The following SLC35F3 variants were observed in gnomAD, a reference collection of about 807,000 sequenced individuals.
SLC35F3 encodes putative thiamine transporter SLC35F3.
SLC35F3 carries 25 observed loss-of-function variants against 49.9 expected under a neutral mutation model. The ratio of observed to expected loss-of-function variants is 0.50; its 90% CI spans 0.37 to 0.70. The LOEUF is 0.70. Ranked by LOEUF, SLC35F3 falls within the 30% of genes least tolerant of loss-of-function variation. The pLI, the probability that SLC35F3 is intolerant of heterozygous loss-of-function variation, is 0.00. For synonymous variants in SLC35F3, 275 were observed against 265.4 expected (o/e 1.04, Z -0.35); for missense variants, 525 against 639.8 (o/e 0.82, Z 1.94).
Position 234,194,620 on chromosome 1 carries a change from A to C in SLC35F3, c.284-36797A>C, listed in dbSNP as rs200921567. On this transcript the variant is annotated intron_variant, in intron 2 of 7. Transcript: ENST00000366618. ...AAATTTTTTAAAAAATTAATGCAAT[A>C]AAAAAAAAGAAAAGAAAGAGCAGCT... Among the ~76,000 whole-genome samples, 9 of 100,222 alleles carry C rather than the reference A, an allele frequency of 9.0e-5. 3 individuals carry two copies. Among genetic ancestry groups the C allele is most frequent in the Admixed American group, 1.5e-4 (1 of 6,562 alleles). 65.7% of individuals were successfully genotyped at this position (100,222 alleles called of 152,430 possible).
At chr1:234,089,950 G>A (rs188155671) in intron 2 of SLC35F3, among the ~76,000 whole-genome samples, 3 of 152,314 alleles carry the variant, frequency 2.0e-5, no homozygotes, top group African/African-American at 7.2e-5. Context: ...TTGAAACCAG[G>A]AGAATTCCTT....
chr1:233,989,179 G>C (rs191227124), intron 2 of SLC35F3, among the ~76,000 whole-genome samples: 3 of 152,160 alleles, frequency 2.0e-5, no homozygotes, highest in African/African-American at 7.2e-5. Flanking sequence ...GGGGCTGCAC[G>C]CATTCTCTTT....
chr1:234,018,566 G>C (rs577886031), intron 2 of SLC35F3, among the ~76,000 whole-genome samples: 2 of 152,058 alleles, frequency 1.3e-5, no homozygotes, highest in Admixed American at 1.3e-4. Context: ...ACAGGACATC[G>C]CCTCTTCCTT....
chr1:234,181,338 G>GAAAAAAAAAAAAAAAAAAAAAAAAAAAA (rs34757532), intron 2 of SLC35F3, among the ~76,000 whole-genome samples: 2 of 97,308 alleles, frequency 2.1e-5, no homozygotes, highest in African/African-American at 3.9e-5. Context: ...TCTGTCTCAA[G>GAAAAAAAAAAAAAAAAAAAAAAAAAAAA]AAAAAAAAAA....
intron 3 of SLC35F3, among the ~76,000 whole-genome samples, chr1:234,236,157 A>G (rs1309015208): frequency 6.6e-6 from 1 of 152,114 alleles, no homozygotes; most frequent in Non-Finnish European, 1.5e-5. Flanking sequence ...GAAGTTAGCT[A>G]GGGCCTGGCA....
rs1386614948 is a variant in SLC35F3 at position 234,181,003 on chromosome 1, A to G, written c.284-50414A>G. ...AGATTGATTTGAAGAAAATCCAGAC[A>G]TCATATAATTTCTTTTGAGGCATTT... On this transcript the variant is annotated intron_variant, in intron 2 of 7. Transcript: ENST00000366618. Among the ~76,000 whole-genome samples, 4 of 152,126 alleles carry G rather than the reference A, an allele frequency of 2.6e-5. No individual in the cohort carries two copies. The South Asian group carries it at 6.2e-4, about 24-fold the overall frequency.
intron 2 of SLC35F3, among the ~76,000 whole-genome samples, chr1:233,933,322 ATT>A (rs937879273): frequency 6.7e-6 from 1 of 148,800 alleles, no homozygotes; most frequent in African/African-American, 2.5e-5. Flanking sequence ...GTATACCGTT[ATT>A]TTTTTTTTAC....
chr1:234,134,791 G>A lies in SLC35F3; in HGVS notation c.284-96626G>A, dbSNP rs911307555. Reference sequence around the variant, plus strand: ...GGCTGGAGTGCAGTGGCGCAATCTTGGTTCACTGCAACCTCTGCCTCACAG... The same window carrying A: ...GGCTGGAGTGCAGTGGCGCAATCTTAGTTCACTGCAACCTCTGCCTCACAG... On this transcript the variant is annotated intron_variant, in intron 2 of 7. Transcript: ENST00000366618. Among the ~76,000 whole-genome samples, 51 of 152,070 alleles carry A rather than the reference G, an allele frequency of 3.4e-4. 1 individual carries two copies. Among genetic ancestry groups the A allele is most frequent in the Non-Finnish European group, 4.0e-4 (27 of 68,002 alleles).
intron 5 of SLC35F3, among the ~76,000 whole-genome samples, chr1:234,317,112 G>A (rs1657507607): frequency 6.6e-6 from 1 of 152,220 alleles, no homozygotes; most frequent in Admixed American, 6.5e-5. Context: ...ATCTGGTGCA[G>A]CTTTGTCATG....
At chr1:234,108,314 T>C (rs1369841478) in intron 2 of SLC35F3, among the ~76,000 whole-genome samples, 9 of 86,758 alleles carry the variant, frequency 1.0e-4, no homozygotes, top group African/African-American at 3.1e-4. Flanking sequence ...TTTATATATA[T>C]AAAAGATATA....
chr1:234,099,190 C>A (rs1038908491), intron 2 of SLC35F3, among the ~76,000 whole-genome samples: 1 of 152,074 alleles, frequency 6.6e-6, no homozygotes, highest in Non-Finnish European at 1.5e-5. Flanking sequence ...CTGTTATTGG[C>A]GTGCTGAAAC....
At chr1:233,915,951 A>G (rs561594278) in intron 2 of SLC35F3, among the ~76,000 whole-genome samples, 4 of 152,358 alleles carry the variant, frequency 2.6e-5, no homozygotes, top group African/African-American at 9.6e-5. Context: ...GTGGGGACAC[A>G]GCCAAACCAG....
At chr1:234,160,015 T>C (rs1472589443) in intron 2 of SLC35F3, among the ~76,000 whole-genome samples, 1 of 152,214 alleles carries the variant, frequency 6.6e-6, no homozygotes, top group Non-Finnish European at 1.5e-5. Context: ...ACATTTTTCA[T>C]GCACTCAAAC....
intron 2 of SLC35F3, among the ~76,000 whole-genome samples, chr1:233,950,385 C>CA (rs58271294): frequency 0.08 from 2,495 of 31,208 alleles, 478 homozygotes; most frequent in African/African-American, 0.14. Flanking sequence ...GACTCTGTCT[C>CA]AAAAAAAAAA....
chr1:233,963,721 A>G (rs1662847465), intron 2 of SLC35F3, among the ~76,000 whole-genome samples: 1 of 152,210 alleles, frequency 6.6e-6, no homozygotes, highest in Admixed American at 6.5e-5. Flanking sequence ...TCAGCCTCTC[A>G]GATGTGGGGG....
At chr1:234,049,361 C>T (rs1220375675) in intron 2 of SLC35F3, among the ~76,000 whole-genome samples, 4 of 152,026 alleles carry the variant, frequency 2.6e-5, no homozygotes, top group Non-Finnish European at 5.9e-5. Flanking sequence ...TCTCCTCTCT[C>T]TTCTCTCTCT....
At chr1:234,206,240 G>A (rs1225611793) in intron 2 of SLC35F3, among the ~76,000 whole-genome samples, 1 of 151,986 alleles carries the variant, frequency 6.6e-6, no homozygotes, top group African/African-American at 2.4e-5. Context: ...AGCAGAGCTG[G>A]GTCAGGCTGG....
At chr1:234,099,172 G>A (rs1329516368) in intron 2 of SLC35F3, among the ~76,000 whole-genome samples, 1 of 152,112 alleles carries the variant, frequency 6.6e-6, no homozygotes, top group Non-Finnish European at 1.5e-5. Context: ...AATGATGGAG[G>A]TCCAAGTCTG....
chr1:234,250,383 G>A (rs1401111676), intron 3 of SLC35F3, among the ~76,000 whole-genome samples: 5 of 152,194 alleles, frequency 3.3e-5, no homozygotes, highest in African/African-American at 1.2e-4. Context: ...GGCCGGGCGC[G>A]GTGGCTCACG....
Sources: allele counts gnomAD v4.1 joint callset (sites outside exome capture counted in the v4.1 genomes callset), GRCh38; gene constraint gnomAD v4.1.1; transcripts MANE v1.5; gene names NCBI Gene and HGNC (gene_info 2026-07-23, HGNC 2026-07-21).